Variants in TJP1 observed in about 807,000 individuals in gnomAD.
TJP1 encodes tight junction protein 1.
TJP1 carries 43 observed loss-of-function variants against 194.2 expected under a neutral mutation model. The observed-to-expected ratio is 0.22, with a 90% CI of 0.17 to 0.29. TJP1 has a LOEUF of 0.29. TJP1 is among the 10% of genes least tolerant of loss of function. The probability of loss-of-function intolerance (pLI) is 1.00; values close to 1 mark genes in which losing one functional copy is unlikely to be tolerated. For missense variants in TJP1, 1,971 were observed against 2,185.7 expected, an observed-to-expected ratio of 0.90 and a Z score of 1.96; for synonymous variants, 801 against 779.0, an observed-to-expected ratio of 1.03 and a Z score of -0.47.
chr15:29,967,161 A>T (rs1434564527), intron 1 of TJP1, among the ~76,000 whole-genome samples: 3 of 151,760 alleles, frequency 2.0e-5, no homozygotes, highest in Non-Finnish European at 4.4e-5. Flanking sequence ...TTACAGCCAC[A>T]CACCACCATG....
intron 10 of TJP1, among the ~76,000 whole-genome samples, chr15:29,738,811 G>C (rs530936417): frequency 3.5e-5 from 5 of 142,090 alleles, no homozygotes; most frequent in African/African-American, 1.3e-4. Flanking sequence ...AGGACTGCTT[G>C]AGCCTAGGAG....
chr15:29,766,260 G>C lies in TJP1; in HGVS notation c.589+6C>G, dbSNP rs548655406. 70 of 1,607,178 alleles carry C rather than the reference G, an allele frequency of 4.4e-5. 2 individuals are homozygous for C. The South Asian group carries it at 7.7e-4, about 18-fold the overall frequency. On this transcript the variant is annotated splice_donor_region_variant and intron_variant, in intron 5 of 27. Transcript: ENST00000614355. ...GAAAAAAACAGCAAGAGTTGGCAGA[G>C]AATACCTTCATTTTTCCGGGATTTC...
intron 2 of TJP1, among the ~76,000 whole-genome samples, chr15:29,908,507 C>G (rs979853096): frequency 6.6e-5 from 10 of 152,160 alleles, no homozygotes; most frequent in Non-Finnish European, 1.5e-5. Context: ...ACAGTAGCCA[C>G]CACTGATGTC....
At chr15:29,745,090 A>G (rs897145776) in intron 8 of TJP1, among the ~76,000 whole-genome samples, 1 of 152,144 alleles carries the variant, frequency 6.6e-6, no homozygotes, top group Non-Finnish European at 1.5e-5. Flanking sequence ...GTCATTCCTA[A>G]ACAAAAACTG....
intron 2 of TJP1, among the ~76,000 whole-genome samples, chr15:29,775,779 T>A (rs562802701): frequency 4.8e-4 from 73 of 152,136 alleles, no homozygotes; most frequent in Non-Finnish European, 8.5e-4. Flanking sequence ...TTCAAATAAA[T>A]TTGAAAACCT....
chr15:29,949,514 ACCTC>A (rs1567225206), intron 2 of TJP1, among the ~76,000 whole-genome samples: 2 of 121,036 alleles, frequency 1.7e-5, no homozygotes, highest in Non-Finnish European at 1.7e-5. Flanking sequence ...CACCACCTCC[ACCTC>A]CACCACCACC....
chr15:29,960,610 TG>T (rs1315188591), intron 1 of TJP1, among the ~76,000 whole-genome samples: 1 of 143,698 alleles, frequency 7.0e-6, no homozygotes, highest in African/African-American at 2.6e-5. Flanking sequence ...CACTCCAGTC[TG>T]GGCAATGGAG....
chr15:29,874,613 G>A (rs758717005), intron 2 of TJP1, among the ~76,000 whole-genome samples: 1 of 152,182 alleles, frequency 6.6e-6, no homozygotes, highest in Non-Finnish European at 1.5e-5. Context: ...AGGGTAGCTA[G>A]TCCCTCAAAA....
intron 2 of TJP1, among the ~76,000 whole-genome samples, chr15:29,885,182 T>C (rs943849486): frequency 1.3e-5 from 2 of 152,116 alleles, no homozygotes; most frequent in Non-Finnish European, 2.9e-5. Flanking sequence ...CCGCAACTTA[T>C]GATAGGGAAT....
chr15:29,967,693 A>C (rs1320579322), intron 1 of TJP1, among the ~76,000 whole-genome samples: 5 of 152,178 alleles, frequency 3.3e-5, no homozygotes, highest in Non-Finnish European at 7.3e-5. Flanking sequence ...TTTTTTGGTA[A>C]GGATCACTCT....
chr15:29,737,164 A>G, intron 11 of TJP1, 100 bp downstream of exon 11: 1 of 1,428,936 alleles, frequency 7.0e-7, no homozygotes, highest in East Asian at 2.3e-5. Flanking sequence ...GAGACTGCTT[A>G]CAGATTACAA....
intron 2 of TJP1, among the ~76,000 whole-genome samples, chr15:29,943,609 C>A (rs1393343303): frequency 1.9e-5 from 2 of 104,620 alleles, no homozygotes; most frequent in African/African-American, 7.7e-5. Flanking sequence ...CCCAGGCTGA[C>A]AACAGTGAGA....
chr15:29,954,925 A>G (rs540608723), intron 2 of TJP1, among the ~76,000 whole-genome samples: 4 of 152,116 alleles, frequency 2.6e-5, no homozygotes, highest in African/African-American at 9.6e-5. Flanking sequence ...CTAAAAATAC[A>G]AAAAATTACC....
intron 2 of TJP1, among the ~76,000 whole-genome samples, chr15:29,884,651 T>C (rs541381582): frequency 6.6e-6 from 1 of 152,358 alleles, no homozygotes; most frequent in South Asian, 2.1e-4. Context: ...ATTTTAGGCC[T>C]TTCTTATCCA....
chr15:29,843,798 G>GGTGTGGT (rs2051313822), intron 2 of TJP1, among the ~76,000 whole-genome samples: 1 of 152,188 alleles, frequency 6.6e-6, no homozygotes, highest in African/African-American at 2.4e-5. Flanking sequence ...ATTCAGGAAG[G>GGTGTGGT]GTGTGGTCTG....
intron 2 of TJP1, among the ~76,000 whole-genome samples, chr15:29,789,367 A>G (rs2047924501): frequency 6.6e-6 from 1 of 152,280 alleles, no homozygotes; most frequent in South Asian, 2.1e-4. Flanking sequence ...GGGGTAAACA[A>G]CTATCTGATG....
At chr15:29,915,433 C>T (rs1221403363) in intron 2 of TJP1, among the ~76,000 whole-genome samples, 1 of 152,214 alleles carries the variant, frequency 6.6e-6, no homozygotes, top group Non-Finnish European at 1.5e-5. Flanking sequence ...TGTCAGCCAA[C>T]ATCACTCCCA....
rs552416706 is a variant in TJP1 at position 29,771,340 on chromosome 15, G to A, written c.312+724C>T. On this transcript the variant is annotated intron_variant, in intron 4 of 27. Transcript: ENST00000614355. ...CATGTTAGTGAACTGAATACTGTAA[G>A]CGACTGTAACACAATGGTAACTATG... 4.6e-5 allele frequency among the ~76,000 whole-genome samples: 7 copies of A among 152,248 alleles called. No homozygotes were observed. The East Asian group carries it at 9.7e-4, about 21-fold the overall frequency.
chr15:29,804,203 AG>A (rs1490204749), intron 1 of TJP1, among the ~76,000 whole-genome samples: 1 of 152,152 alleles, frequency 6.6e-6, no homozygotes, highest in Non-Finnish European at 1.5e-5. Context: ...GAGGAATGGA[AG>A]GATGAACAAA....
Sources: allele counts gnomAD v4.1 joint callset (sites outside exome capture counted in the v4.1 genomes callset), GRCh38; gene constraint gnomAD v4.1.1; transcripts MANE v1.5; gene names NCBI Gene and HGNC (gene_info 2026-07-23, HGNC 2026-07-21).